The following UBE3A variants were observed in gnomAD, a reference collection of about 807,000 sequenced individuals.
UBE3A encodes the protein ubiquitin-protein ligase E3A.
Under a neutral mutation model 83.4 loss-of-function variants are expected in UBE3A, and 6 were observed. The ratio of observed to expected loss-of-function variants is 0.07; its 90% CI spans 0.04 to 0.14. The LOEUF (loss-of-function observed/expected upper bound fraction) is 0.14. Among genes scored for constraint, UBE3A ranks in the 10% least tolerant of loss-of-function variants. UBE3A has a pLI of 1.00. For synonymous variants in UBE3A, 337 were observed against 355.4 expected (o/e 0.95, Z 0.58); for missense variants, 456 against 1,036.1 (o/e 0.44, Z 7.69).
At chr15:25,341,951 T>G (rs952187120) in intron 11 of UBE3A, among the ~76,000 whole-genome samples, 23 of 152,098 alleles carry the variant, frequency 1.5e-4, no homozygotes, top group African/African-American at 5.3e-4. Flanking sequence ...TGAAATAACT[T>G]AAAAGTTTTA....
intron 4 of UBE3A, among the ~76,000 whole-genome samples, chr15:25,399,354 T>C (rs2086516951): frequency 6.6e-6 from 1 of 152,200 alleles, no homozygotes; most frequent in South Asian, 2.1e-4. Flanking sequence ...ATTTAAGACC[T>C]TAATCCATTT....
chr15:25,421,674 C>T (rs993150821), intron 1 of UBE3A, among the ~76,000 whole-genome samples: 2 of 152,084 alleles, frequency 1.3e-5, no homozygotes, highest in African/African-American at 4.8e-5. Context: ...TACTTTATGT[C>T]ACTGAACTGT....
intron 4 of UBE3A, among the ~76,000 whole-genome samples, chr15:25,398,767 T>TTTTATATATATATATATATA (rs1555415650): frequency 1.5e-5 from 1 of 67,140 alleles, no homozygotes; most frequent in African/African-American, 5.0e-5. Context: ...TTTTATTCTT[T>TTTTATATATATATATATATA]TATTTATATA....
At chr15:25,362,170 G>C (rs564752051) in intron 6 of UBE3A, among the ~76,000 whole-genome samples, 18 of 152,262 alleles carry the variant, frequency 1.2e-4, no homozygotes, top group African/African-American at 4.3e-4. Flanking sequence ...TAAAATACTA[G>C]GGATTGCAGT....
chr15:25,360,765 T>C (rs2077938452), intron 6 of UBE3A, among the ~76,000 whole-genome samples: 1 of 152,196 alleles, frequency 6.6e-6, no homozygotes, highest in Non-Finnish European at 1.5e-5. Context: ...CTTTACTGAT[T>C]TGTTATGAAA....
intron 1 of UBE3A, among the ~76,000 whole-genome samples, chr15:25,413,932 T>C (rs1232882770): frequency 1.3e-5 from 2 of 152,178 alleles, no homozygotes; most frequent in Admixed American, 1.3e-4. Context: ...TCCTACCTCA[T>C]ACATGGCCTC....
intron 11 of UBE3A, among the ~76,000 whole-genome samples, chr15:25,344,768 T>C (rs766932932): frequency 5.3e-5 from 8 of 152,000 alleles, no homozygotes; most frequent in Non-Finnish European, 1.0e-4. Flanking sequence ...TGGCACCCAA[T>C]GATGAGAAAA....
rs932075836 is a variant in UBE3A at position 25,370,471 on chromosome 15, T to C, written c.1608+95A>G. ...AATGTCCATGTGTTCCTATGCTATA[T>C]GGTATCATTTTTTTCAGTCACTTTT... On this transcript the variant is annotated intron_variant, in intron 6 of 12. Transcript: ENST00000648336. This position sits in a 1 kb window ranked among gnomAD's most constrained non-coding sequence, Gnocchi z 4.2. 9.9e-6 allele frequency: 14 copies of C among 1,413,062 alleles called. No homozygotes were observed. Among genetic ancestry groups the C allele is most frequent in the Non-Finnish European group, 1.2e-5 (12 of 997,342 alleles). 87.5% of individuals were successfully genotyped at this position (1,413,062 alleles called of 1,614,324 possible). A position where few individuals can be genotyped will look rare whatever the true frequency, so the allele number is the denominator to read the frequency against.
chr15:25,407,084 T>G, intron 3 of UBE3A: 1 of 1,350,642 alleles, frequency 7.4e-7, no homozygotes, highest in Middle Eastern at 2.1e-4. Flanking sequence ...CCACCAGCCT[T>G]GTGGGTAAGT....
chr15:25,359,549 A>G (rs1208029300), intron 7 of UBE3A, among the ~76,000 whole-genome samples: 1 of 152,018 alleles, frequency 6.6e-6, no homozygotes, highest in Non-Finnish European at 1.5e-5. Flanking sequence ...GAAATGACAT[A>G]CATTATTCTA....
intron 1 of UBE3A, among the ~76,000 whole-genome samples, chr15:25,436,045 C>G (rs1012011489): frequency 5.9e-5 from 9 of 152,048 alleles, no homozygotes; most frequent in African/African-American, 2.2e-4. Context: ...TGTGGCTTAC[C>G]AAGATTAATA....
chr15:25,361,545 A>G (rs1459888769), intron 6 of UBE3A, among the ~76,000 whole-genome samples: 2 of 152,108 alleles, frequency 1.3e-5, no homozygotes, highest in East Asian at 3.8e-4. Flanking sequence ...CATTGAGATT[A>G]ATCATAAAAT....
chr15:25,411,002 G>T (rs779543161), intron 2 of UBE3A, among the ~76,000 whole-genome samples: 1 of 152,102 alleles, frequency 6.6e-6, no homozygotes, highest in Non-Finnish European at 1.5e-5. Flanking sequence ...TCTTTTAATT[G>T]ACTAATTGAC....
intron 4 of UBE3A, among the ~76,000 whole-genome samples, chr15:25,395,143 TG>T (rs765524282): frequency 1.3e-5 from 2 of 152,034 alleles, no homozygotes; most frequent in Non-Finnish European, 2.9e-5. Flanking sequence ...AGCCTTAAGA[TG>T]ACAAAGATAC....
At chr15:25,423,131 G>C (rs537074387) in intron 1 of UBE3A, among the ~76,000 whole-genome samples, 18 of 151,886 alleles carry the variant, frequency 1.2e-4, no homozygotes, top group African/African-American at 4.3e-4. Context: ...TAAAATTAAA[G>C]GTAGGTAGAG....
chr15:25,429,710 T>A (rs181617140), intron 1 of UBE3A, among the ~76,000 whole-genome samples: 110 of 151,874 alleles, frequency 7.2e-4, no homozygotes, highest in African/African-American at 2.6e-3. Context: ...AACATTTTTT[T>A]AAGAATGTAA....
chr15:25,405,738 A>G (rs1249903896), intron 3 of UBE3A: 2 of 551,912 alleles, frequency 3.6e-6, no homozygotes, highest in East Asian at 6.3e-5. Flanking sequence ...AGGAAACTGT[A>G]AACGCTATAC....
At chr15:25,438,340 G>GC (rs1319308744) in intron 1 of UBE3A, 149 bp downstream of exon 1, 7 of 152,550 alleles carry the variant, frequency 4.6e-5, no homozygotes, top group Admixed American at 1.3e-4. Flanking sequence ...TCTGGCACCA[G>GC]CCCCTTCGGA....
At chr15:25,376,982 G>A (rs1205131712) in intron 4 of UBE3A, among the ~76,000 whole-genome samples, 1 of 152,114 alleles carries the variant, frequency 6.6e-6, no homozygotes, top group Non-Finnish European at 1.5e-5. Context: ...TAAACTACTG[G>A]ATCCAAAGAA....
Sources: allele counts gnomAD v4.1 joint callset (sites outside exome capture counted in the v4.1 genomes callset), GRCh38; gene constraint gnomAD v4.1.1; non-coding constraint Gnocchi (gnomAD v3.1); transcripts MANE v1.5; gene names NCBI Gene and HGNC (gene_info 2026-07-23, HGNC 2026-07-21).